The following MGMT variants were observed in gnomAD, a reference collection of about 807,000 sequenced individuals.
MGMT encodes methylated-DNA--protein-cysteine methyltransferase.
A neutral mutation model predicts 15.9 loss-of-function variants in MGMT; 14 were observed. That is an observed-to-expected ratio of 0.88 (90% CI 0.58 to 1.37). The LOEUF (loss-of-function observed/expected upper bound fraction) is 1.37, where lower values mean the gene tolerates loss of function less well. Among genes scored for constraint, MGMT ranks in the 40% most tolerant of loss-of-function variants. MGMT has a pLI of 0.00. For synonymous variants in MGMT, 130 were observed against 118.2 expected, an observed-to-expected ratio of 1.10 and a Z score of -0.65; for missense variants, 282 against 268.1, an observed-to-expected ratio of 1.05 and a Z score of -0.36.
At chr10:129,545,089 A>G (rs1450879154) in intron 2 of MGMT, among the ~76,000 whole-genome samples, 1 of 152,184 alleles carries the variant, frequency 6.6e-6, no homozygotes, top group East Asian at 1.9e-4. Flanking sequence ...AGTTGTTGGC[A>G]TCAATGTGCG....
intron 4 of MGMT, among the ~76,000 whole-genome samples, chr10:129,764,063 G>A (rs887012317): frequency 6.6e-5 from 10 of 152,206 alleles, no homozygotes; most frequent in Admixed American, 3.3e-4. Context: ...TGCTGGCACC[G>A]GCTGTCACCC....
chr10:129,715,983 G>A (rs553706177), intron 3 of MGMT, among the ~76,000 whole-genome samples: 67 of 152,222 alleles, frequency 4.4e-4, no homozygotes, highest in African/African-American at 1.6e-3. Flanking sequence ...TTGGAGGTAC[G>A]CGGCGGTCAG....
At chr10:129,726,457 C>G (rs6482752) in intron 3 of MGMT, among the ~76,000 whole-genome samples, 30,122 of 152,076 alleles carry the variant, frequency 0.2, 3,295 homozygotes, top group Middle Eastern at 0.36. Flanking sequence ...ATCACTGCTG[C>G]CCACGTGCCC....
intron 2 of MGMT, among the ~76,000 whole-genome samples, chr10:129,660,288 C>G (rs1847581197): frequency 6.6e-6 from 1 of 151,954 alleles, no homozygotes; most frequent in African/African-American, 2.4e-5. Flanking sequence ...GGGGTGGTAT[C>G]TCGGCGGATG....
chr10:129,638,249 A>G (rs568758190), intron 2 of MGMT, among the ~76,000 whole-genome samples: 3 of 152,142 alleles, frequency 2.0e-5, no homozygotes, highest in Admixed American at 6.5e-5. Context: ...GAGGTGGGCT[A>G]CTTATCTTGT....
chr10:129,509,050 G>T (rs1158179711), intron 1 of MGMT, among the ~76,000 whole-genome samples: 2 of 152,156 alleles, frequency 1.3e-5, no homozygotes, highest in Non-Finnish European at 2.9e-5. Context: ...TTTTCTGCTG[G>T]GCTGCGACTT....
intron 1 of MGMT, among the ~76,000 whole-genome samples, chr10:129,486,200 G>A (rs572392392): frequency 2.7e-5 from 4 of 145,474 alleles, no homozygotes; most frequent in East Asian, 2.0e-4. Flanking sequence ...TTTTTTTGGT[G>A]GGGGGTAGAC....
chr10:129,576,603 G>A (rs572286516), intron 2 of MGMT, among the ~76,000 whole-genome samples: 1 of 152,292 alleles, frequency 6.6e-6, no homozygotes, highest in South Asian at 2.1e-4. Context: ...AAAACTGGAA[G>A]CATTCCCTTT....
intron 2 of MGMT, among the ~76,000 whole-genome samples, chr10:129,672,494 G>A (rs958183421): frequency 3.3e-5 from 5 of 152,226 alleles, no homozygotes; most frequent in East Asian, 3.9e-4. Context: ...ACACTTCCCT[G>A]TATCTTCTAA....
At position 129,668,599 on chromosome 10, in the gene MGMT, A is replaced by G. The variant is rs567174283; in HGVS notation, c.126-39296A>G. Among the ~76,000 whole-genome samples, 16 of 152,236 alleles carry G rather than the reference A, an allele frequency of 1.1e-4. No individual in the cohort carries two copies. In the South Asian group the frequency reaches 3.3e-3, roughly 32 times the overall value. ...GTTGTCTATTCCATTTTATTGTCCT[A>G]TTTGCTTATTCTCCCACCATACCGC... On this transcript the variant is annotated intron_variant, in intron 2 of 4. Coordinates refer to ENST00000651593, the MANE Select transcript of MGMT (RefSeq NM_002412.5).
intron 2 of MGMT, among the ~76,000 whole-genome samples, chr10:129,692,784 G>GT (rs1847984250): frequency 6.6e-6 from 1 of 152,204 alleles, no homozygotes; most frequent in Admixed American, 6.5e-5. Context: ...ACAAACTGAG[G>GT]TCACTTCACA....
intron 3 of MGMT, among the ~76,000 whole-genome samples, chr10:129,725,598 G>GC (rs1848424664): frequency 6.6e-6 from 1 of 152,232 alleles, no homozygotes; most frequent in Non-Finnish European, 1.5e-5. Context: ...TATTGCCCCA[G>GC]CACGGCCACA....
chr10:129,757,059 A>G (rs951474470), intron 3 of MGMT, among the ~76,000 whole-genome samples: 2 of 152,190 alleles, frequency 1.3e-5, no homozygotes, highest in African/African-American at 4.8e-5. Context: ...TGCAGGGTGA[A>G]ACAGAGTTTT....
intron 3 of MGMT, among the ~76,000 whole-genome samples, chr10:129,713,483 G>C (rs904890696): frequency 2.0e-5 from 3 of 152,172 alleles, no homozygotes; most frequent in Non-Finnish European, 4.4e-5. Flanking sequence ...AGCTGAGAGT[G>C]GATGGCAGGC....
chr10:129,518,787 G>A (rs1001925303), intron 1 of MGMT, among the ~76,000 whole-genome samples: 1 of 151,364 alleles, frequency 6.6e-6, no homozygotes. Context: ...CCATTCAACA[G>A]TAGGGTATTA....
chr10:129,766,661 G>GC (rs1450391702), intron 4 of MGMT, 127 bp from the exon 5 acceptor site: 8 of 817,306 alleles, frequency 9.8e-6, no homozygotes, highest in African/African-American at 1.7e-5. Context: ...CATGCCAACA[G>GC]CCTGCCCCTG....
At chr10:129,657,128 T>G (rs937851910) in intron 2 of MGMT, among the ~76,000 whole-genome samples, 4 of 152,256 alleles carry the variant, frequency 2.6e-5, no homozygotes, top group Non-Finnish European at 5.9e-5. Flanking sequence ...GTGTTTCATT[T>G]GGGGACAGAT....
At chr10:129,535,126 C>T (rs1422892071) in intron 1 of MGMT, among the ~76,000 whole-genome samples, 2 of 152,172 alleles carry the variant, frequency 1.3e-5, no homozygotes, top group East Asian at 3.9e-4. Context: ...TTGTTGTTCT[C>T]AGTGAACTTT....
chr10:129,741,367 G>A (rs956267722), intron 3 of MGMT, among the ~76,000 whole-genome samples: 1 of 152,186 alleles, frequency 6.6e-6, no homozygotes, highest in Non-Finnish European at 1.5e-5. Context: ...GCTGCTGTTG[G>A]CCTTGCCAGC....
Sources: allele counts gnomAD v4.1 joint callset (sites outside exome capture counted in the v4.1 genomes callset), GRCh38; gene constraint gnomAD v4.1.1; transcripts MANE v1.5; gene names NCBI Gene and HGNC (gene_info 2026-07-23, HGNC 2026-07-21).